The following ACTR3B variants were observed in gnomAD, a reference collection of about 807,000 sequenced individuals.
ACTR3B encodes actin related protein 3B.
ACTR3B carries 8 observed loss-of-function variants against 59.0 expected under a neutral mutation model. That is an observed-to-expected ratio of 0.14 (90% CI 0.08 to 0.24). ACTR3B has a LOEUF of 0.24. ACTR3B is among the 10% of genes least tolerant of loss of function. The pLI, the probability that ACTR3B is intolerant of heterozygous loss-of-function variation, is 1.00. For missense variants in ACTR3B, 245 were observed against 552.3 expected, an observed-to-expected ratio of 0.44 and a Z score of 5.58; for synonymous variants, 148 against 197.9, an observed-to-expected ratio of 0.75 and a Z score of 2.12.
chr7:152,766,841 C>T (rs549235101), intron 1 of ACTR3B, among the ~76,000 whole-genome samples: 110 of 152,070 alleles, frequency 7.2e-4, no homozygotes, highest in African/African-American at 2.5e-3. Context: ...TGCTAGAGTG[C>T]GGCGGCACAG....
intron 9 of ACTR3B, among the ~76,000 whole-genome samples, chr7:152,841,500 G>A (rs1193996141): frequency 6.6e-6 from 1 of 151,944 alleles, no homozygotes; most frequent in African/African-American, 2.4e-5. Context: ...AGGGTTTGTT[G>A]AGTTTACTGG....
chr7:152,830,697 G>A (rs2116905205), intron 9 of ACTR3B, among the ~76,000 whole-genome samples: 1 of 152,094 alleles, frequency 6.6e-6, no homozygotes, highest in Middle Eastern at 3.4e-3. Flanking sequence ...TACAGGTGTG[G>A]GCGACCACTT....
chr7:152,781,750 G>C (rs1244939077), intron 1 of ACTR3B, among the ~76,000 whole-genome samples: 1 of 152,112 alleles, frequency 6.6e-6, no homozygotes, highest in Non-Finnish European at 1.5e-5. Context: ...TAAAGGTCAG[G>C]CTCTCTATTG....
At chr7:152,789,902 A>G (rs1237503324) in intron 2 of ACTR3B, among the ~76,000 whole-genome samples, 1 of 151,802 alleles carries the variant, frequency 6.6e-6, no homozygotes, top group Non-Finnish European at 1.5e-5. Context: ...GTTTTTTTTA[A>G]TTAAAAAAAT....
At chr7:152,825,178 A>T (rs1410668082) in intron 9 of ACTR3B, 56 bp downstream of exon 9, 1 of 1,573,268 alleles carries the variant, frequency 6.4e-7, no homozygotes, top group Non-Finnish European at 8.7e-7. Flanking sequence ...AAGGCCCATA[A>T]TTCTTAGAAG....
intron 4 of ACTR3B, among the ~76,000 whole-genome samples, chr7:152,802,004 G>A (rs1284702931): frequency 6.6e-6 from 1 of 152,082 alleles, no homozygotes; most frequent in Non-Finnish European, 1.5e-5. Context: ...GGCACTAGCT[G>A]GAGCTCTTCT....
At chr7:152,825,537 G>A (rs1473625946) in intron 9 of ACTR3B, among the ~76,000 whole-genome samples, 3 of 151,804 alleles carry the variant, frequency 2.0e-5, no homozygotes, top group Admixed American at 6.6e-5. Flanking sequence ...GGCTGGTCTC[G>A]AACTCCTGAG....
At chr7:152,760,015 C>T (rs987377775) in intron 1 of ACTR3B, 89 bp downstream of exon 1, 45 of 1,177,794 alleles carry the variant, frequency 3.8e-5, no homozygotes, top group Non-Finnish European at 3.6e-5. Context: ...GAGCTGCGTC[C>T]GTCGCCCCGG....
chr7:152,804,465 G>A (rs1013622950), intron 4 of ACTR3B, among the ~76,000 whole-genome samples: 1 of 152,100 alleles, frequency 6.6e-6, no homozygotes, highest in African/African-American at 2.4e-5. Context: ...GACAGTGAGA[G>A]CCACGTGGCC....
Position 152,766,947 on chromosome 7 carries a change from G to A in ACTR3B, c.44+7021G>A, listed in dbSNP as rs1224609207. 3.3e-5 allele frequency among the ~76,000 whole-genome samples: 5 copies of A among 151,862 alleles called. No individual in the cohort carries two copies. In the East Asian group the frequency reaches 5.8e-4, roughly 18 times the overall value. ...GACTACAGGTGCATGCCACCACATC[G>A]GGCTAATTTTTGTATTTTTAGTAGA... On this transcript the variant is annotated intron_variant, in intron 1 of 11. Transcript: ENST00000256001.
intron 1 of ACTR3B, among the ~76,000 whole-genome samples, chr7:152,770,503 CTTTG>C (rs1384309385): frequency 6.6e-6 from 1 of 151,602 alleles, no homozygotes; most frequent in African/African-American, 2.4e-5. Flanking sequence ...TGTTCTTTGA[CTTTG>C]TTTGACTAAA....
intron 2 of ACTR3B, among the ~76,000 whole-genome samples, chr7:152,792,999 T>C (rs2098202338): frequency 6.6e-6 from 1 of 151,654 alleles, no homozygotes; most frequent in South Asian, 2.1e-4. Context: ...AGATTTCTGA[T>C]GAGAAATGTC....
chr7:152,852,706 C>G (rs1298475614), intron 10 of ACTR3B, among the ~76,000 whole-genome samples: 1 of 152,202 alleles, frequency 6.6e-6, no homozygotes, highest in Non-Finnish European at 1.5e-5. Flanking sequence ...CTGTGGGCTT[C>G]TAACCAAGAG....
At chr7:152,818,636 ATGGGGT>A (rs1472325970) in intron 6 of ACTR3B, among the ~76,000 whole-genome samples, 2 of 152,154 alleles carry the variant, frequency 1.3e-5, no homozygotes, top group Admixed American at 6.5e-5. Flanking sequence ...TTTAGTAGAG[ATGGGGT>A]TTCTCCATAT....
intron 1 of ACTR3B, among the ~76,000 whole-genome samples, chr7:152,776,677 A>G (rs922081026): frequency 4.4e-4 from 67 of 152,388 alleles, no homozygotes; most frequent in African/African-American, 1.6e-3. Context: ...CAAAAATGGC[A>G]ACATTTAACA....
chr7:152,778,144 A>AT (rs1162271597), intron 1 of ACTR3B, among the ~76,000 whole-genome samples: 59 of 135,884 alleles, frequency 4.3e-4, no homozygotes, highest in South Asian at 3.2e-3. Flanking sequence ...TTGGTTTGAG[A>AT]TTTTTTTTTT....
chr7:152,830,753 G>C (rs942127746), intron 9 of ACTR3B, among the ~76,000 whole-genome samples: 111 of 151,954 alleles, frequency 7.3e-4, no homozygotes, highest in African/African-American at 2.4e-3. Flanking sequence ...GTCTTGCTCT[G>C]TTGCTCAGGC....
chr7:152,784,948 C>T (rs62494309), intron 2 of ACTR3B, among the ~76,000 whole-genome samples: 42,229 of 151,238 alleles, frequency 0.28, 7,549 homozygotes, highest in Non-Finnish European at 0.41. Flanking sequence ...TGGTTCAGTC[C>T]ATGACAATTG....
At chr7:152,822,971 G>C (rs1297339629) in intron 7 of ACTR3B, among the ~76,000 whole-genome samples, 2 of 152,258 alleles carry the variant, frequency 1.3e-5, no homozygotes, top group African/African-American at 4.8e-5. Flanking sequence ...CGCTGGTCCA[G>C]TGTGGACCAC....
Sources: gnomAD v4.1 joint callset for allele counts (sites outside exome capture counted in the v4.1 genomes callset) on GRCh38, gnomAD v4.1.1 for gene constraint, MANE v1.5 for transcripts, NCBI Gene and HGNC (gene_info 2026-07-23, HGNC 2026-07-21) for gene names.